ZNF827: variants seen among roughly 807,000 people sequenced by gnomAD.
ZNF827 encodes zinc finger protein 827.
ZNF827 carries 13 observed loss-of-function variants against 102.4 expected under a neutral mutation model. The ratio of observed to expected loss-of-function variants is 0.13; its 90% CI spans 0.08 to 0.20. The LOEUF is 0.20. ZNF827 is among the 10% of genes least tolerant of loss of function. The pLI, the probability that ZNF827 is intolerant of heterozygous loss-of-function variation, is 1.00. For missense variants in ZNF827, 1,103 were observed against 1,344.4 expected (o/e 0.82, Z 2.81); for synonymous variants, 523 against 536.2 (o/e 0.98, Z 0.34).
At chr4:145,874,434 A>G (rs1378879662) in intron 4 of ZNF827, among the ~76,000 whole-genome samples, 2 of 152,214 alleles carry the variant, frequency 1.3e-5, no homozygotes, top group East Asian at 3.8e-4. Context: ...GAAGACGTAA[A>G]AATAGAAATA....
At chr4:145,877,614 T>C (rs1749255013) in intron 4 of ZNF827, among the ~76,000 whole-genome samples, 1 of 152,190 alleles carries the variant, frequency 6.6e-6, no homozygotes, top group South Asian at 2.1e-4. Flanking sequence ...AGTGTCTATG[T>C]ACCCAAAGCA....
rs1038026928 is a variant in ZNF827 at position 145,810,377 on chromosome 4, T to TA, written c.2383+13044dup. On this transcript the variant is annotated intron_variant, in intron 8 of 14. Transcript: ENST00000508784. ...TTATTATATGAGTAAAGGCCAATTC[T>TA]AAAAAAAAAAAGTGACTTGAACACA... 3.5e-3 allele frequency among the ~76,000 whole-genome samples: 522 copies of TA among 147,296 alleles called. 2 individuals are homozygous for TA. The highest frequency in any genetic ancestry group is 0.021 in the Middle Eastern group (6 of 284).
intron 4 of ZNF827, among the ~76,000 whole-genome samples, chr4:145,878,275 A>C (rs1214077914): frequency 6.6e-6 from 1 of 152,126 alleles, no homozygotes; most frequent in Non-Finnish European, 1.5e-5. Flanking sequence ...ATATACATGC[A>C]ATTCCATGGT....
intron 4 of ZNF827, among the ~76,000 whole-genome samples, chr4:145,875,908 T>G (rs1324712044): frequency 6.6e-6 from 1 of 152,220 alleles, no homozygotes; most frequent in African/African-American, 2.4e-5. Context: ...TTTTAAAAAA[T>G]CATTGTAAAA....
At chr4:145,784,915 C>G (rs1004446758) in intron 8 of ZNF827, among the ~76,000 whole-genome samples, 5 of 152,160 alleles carry the variant, frequency 3.3e-5, no homozygotes, top group Non-Finnish European at 5.9e-5. Context: ...TCATTTCACA[C>G]TCTTATATTC....
chr4:145,917,943 C>A (rs181721574), intron 1 of ZNF827, among the ~76,000 whole-genome samples: 185 of 152,160 alleles, frequency 1.2e-3, no homozygotes, highest in Admixed American at 2.6e-3. Flanking sequence ...ACCAGCTTAT[C>A]CTCCACCCAA....
intron 4 of ZNF827, among the ~76,000 whole-genome samples, chr4:145,885,420 A>C (rs1232346709): frequency 6.6e-6 from 1 of 152,144 alleles, no homozygotes; most frequent in Non-Finnish European, 1.5e-5. Context: ...AAGGGAAAAA[A>C]GCAGAAGGAA....
chr4:145,797,430 T>C (rs1740490972), intron 8 of ZNF827, among the ~76,000 whole-genome samples: 1 of 152,202 alleles, frequency 6.6e-6, no homozygotes, highest in African/African-American at 2.4e-5. Context: ...GGATTAATCT[T>C]TCTATCAAGT....
At chr4:145,891,124 C>G (rs1218720338) in intron 3 of ZNF827, among the ~76,000 whole-genome samples, 1 of 152,152 alleles carries the variant, frequency 6.6e-6, no homozygotes, top group Non-Finnish European at 1.5e-5. Flanking sequence ...ACAGCCAAAT[C>G]ATATCGAAAA....
chr4:145,844,127 A>G (rs1745682885), intron 7 of ZNF827, among the ~76,000 whole-genome samples: 1 of 152,168 alleles, frequency 6.6e-6, no homozygotes, highest in African/African-American at 2.4e-5. Flanking sequence ...CCACAGACAC[A>G]AGCACATACA....
At chr4:145,870,049 G>A (rs1748543380) in intron 5 of ZNF827, among the ~76,000 whole-genome samples, 196 bp downstream of exon 5, 1 of 152,188 alleles carries the variant, frequency 6.6e-6, no homozygotes, top group Admixed American at 6.5e-5. Context: ...TAATAAGATA[G>A]GTACACAGCT....
intron 4 of ZNF827, among the ~76,000 whole-genome samples, chr4:145,880,605 C>G (rs1188806971): frequency 6.6e-6 from 1 of 152,182 alleles, no homozygotes; most frequent in East Asian, 1.9e-4. Context: ...CACTCTTCCT[C>G]TCTTATGAAT....
At position 145,779,364 on chromosome 4, in the gene ZNF827, A is replaced by C. The variant is rs766071844; in HGVS notation, c.2521+10T>G. 1.2e-6 allele frequency: 2 copies of C among 1,613,480 alleles called. No homozygotes were observed. Among genetic ancestry groups the C allele is most frequent in the Non-Finnish European group, 8.5e-7 (1 of 1,179,666 alleles). On this transcript the variant is annotated intron_variant, in intron 9 of 14. Transcript: ENST00000508784. Reference sequence around the variant, plus strand: ...ATAGAGGGCTGACAGCCCAGGCCCTACTCACTCACCTGTGTGCAGCGAGAG... The same window carrying C: ...ATAGAGGGCTGACAGCCCAGGCCCTCCTCACTCACCTGTGTGCAGCGAGAG...
At chr4:145,896,623 C>T (rs185714939) in intron 2 of ZNF827, among the ~76,000 whole-genome samples, 46 of 152,244 alleles carry the variant, frequency 3.0e-4, no homozygotes, top group Non-Finnish European at 5.9e-4. Context: ...AAGGAAAAGA[C>T]GCAGGAGGCT....
At chr4:145,868,155 T>C (rs1243923814) in intron 5 of ZNF827, among the ~76,000 whole-genome samples, 1 of 152,224 alleles carries the variant, frequency 6.6e-6, no homozygotes, top group Non-Finnish European at 1.5e-5. Context: ...ACATGCCTAT[T>C]GTTATGACTA....
At chr4:145,916,343 C>T (rs1561077062) in intron 1 of ZNF827, among the ~76,000 whole-genome samples, 1 of 152,194 alleles carries the variant, frequency 6.6e-6, no homozygotes, top group African/African-American at 2.4e-5. Context: ...GCTGCTTACA[C>T]CTTCCAAAGC....
At position 145,862,618 on chromosome 4, in the gene ZNF827, T is replaced by C. The variant is rs1240671734; in HGVS notation, c.1981+7627A>G. 2.0e-5 allele frequency among the ~76,000 whole-genome samples: 3 copies of C among 152,214 alleles called. No homozygotes were observed. The South Asian group carries it at 6.2e-4, about 32-fold the overall frequency. On this transcript the variant is annotated intron_variant, in intron 5 of 14. Coordinates refer to ENST00000508784, the MANE Select transcript of ZNF827 (RefSeq NM_001306215.2). The stretch of plus-strand genomic sequence containing the variant: ...GGCCCATTGCTGGTCACATTCACTG[T>C]AAGTCATTTAAAAAGTTGACATATA...
At chr4:145,778,419 C>T (rs1452939890) in intron 9 of ZNF827, among the ~76,000 whole-genome samples, 3 of 152,206 alleles carry the variant, frequency 2.0e-5, no homozygotes, top group Admixed American at 2.0e-4. Context: ...TAGGCGTGAG[C>T]CATCGCGCCC....
chr4:145,764,391 C>G (rs1560886330), intron 13 of ZNF827, among the ~76,000 whole-genome samples: 1 of 152,178 alleles, frequency 6.6e-6, no homozygotes, highest in Non-Finnish European at 1.5e-5. Context: ...GTTGATTGGT[C>G]TCACTTGAGA....
Sources: gnomAD v4.1 joint callset for allele counts (sites outside exome capture counted in the v4.1 genomes callset) on GRCh38, gnomAD v4.1.1 for gene constraint, MANE v1.5 for transcripts, NCBI Gene and HGNC (gene_info 2026-07-23, HGNC 2026-07-21) for gene names.